MYO16: variants seen among roughly 807,000 people sequenced by gnomAD.
The protein encoded by MYO16 is unconventional myosin-XVI.
A neutral mutation model predicts 205.3 loss-of-function variants in MYO16; 94 were observed. The ratio of observed to expected loss-of-function variants is 0.46; its 90% CI spans 0.39 to 0.54. MYO16 has a LOEUF of 0.54. Among genes scored for constraint, MYO16 ranks in the 20% least tolerant of loss-of-function variants. MYO16 has a pLI of 0.00. For synonymous variants in MYO16, 988 were observed against 954.0 expected (o/e 1.04, Z -0.66); for missense variants, 2,315 against 2,387.5 (o/e 0.97, Z 0.63).
At chr13:108,547,223 G>T in the MYO16 span, among the ~76,000 whole-genome samples, 1 of 148,756 alleles carries the variant, frequency 6.7e-6, no homozygotes, top group East Asian at 2.0e-4. Flanking sequence ...AGTGAGCTGA[G>T]ATCGTGCCAC....
At chr13:108,773,530 G>A (rs1458604629) in intron 4 of MYO16, among the ~76,000 whole-genome samples, 1 of 151,982 alleles carries the variant, frequency 6.6e-6, no homozygotes, top group African/African-American at 2.4e-5. Context: ...ATCCTCACGT[G>A]GCTGCCTTCC....
intron 32 of MYO16, among the ~76,000 whole-genome samples, chr13:109,144,470 G>A (rs1307507218): frequency 5.3e-5 from 8 of 152,206 alleles, no homozygotes. Context: ...GCTCAGCACT[G>A]GGGCTGGTTA....
chr13:108,886,881 A>G (rs983561225), intron 13 of MYO16, among the ~76,000 whole-genome samples: 4 of 152,114 alleles, frequency 2.6e-5, no homozygotes, highest in African/African-American at 9.7e-5. Flanking sequence ...TCTGGTTACT[A>G]GGACTTACTG....
chr13:108,830,918 G>A (rs1876583343), intron 9 of MYO16, among the ~76,000 whole-genome samples: 1 of 152,070 alleles, frequency 6.6e-6, no homozygotes, highest in South Asian at 2.1e-4. Flanking sequence ...TATTTTAAGT[G>A]CCAAAATAAC....
intron 2 of MYO16, among the ~76,000 whole-genome samples, chr13:108,676,792 G>T (rs1012748637): frequency 6.6e-6 from 1 of 152,184 alleles, no homozygotes; most frequent in African/African-American, 2.4e-5. Context: ...CCCAGAATGG[G>T]AAATGTACTT....
intron 28 of MYO16, among the ~76,000 whole-genome samples, chr13:109,114,796 T>C (rs1169533024): frequency 6.6e-6 from 1 of 152,214 alleles, no homozygotes; most frequent in African/African-American, 2.4e-5. Context: ...TTACTTTACC[T>C]GCATGGGAAA....
chr13:108,990,123 T>C, intron 20 of MYO16, among the ~76,000 whole-genome samples: 1 of 149,160 alleles, frequency 6.7e-6, no homozygotes, highest in East Asian at 2.0e-4. Context: ...TTAAGAAAAA[T>C]GATGCAGCTC....
intron 11 of MYO16, among the ~76,000 whole-genome samples, chr13:108,858,817 C>G (rs1001982447): frequency 2.6e-5 from 4 of 152,090 alleles, no homozygotes; most frequent in South Asian, 2.1e-4. Flanking sequence ...CTCATAAAGC[C>G]GCAACGCTTT....
At chr13:109,114,695 G>A (rs1594097821) in intron 28 of MYO16, among the ~76,000 whole-genome samples, 1 of 152,162 alleles carries the variant, frequency 6.6e-6, no homozygotes, top group African/African-American at 2.4e-5. Context: ...AATTTTCTAT[G>A]TCTCCATAAG....
intron 21 of MYO16, among the ~76,000 whole-genome samples, chr13:109,001,909 C>T (rs942525612): frequency 5.1e-5 from 4 of 78,730 alleles, no homozygotes; most frequent in Non-Finnish European, 1.0e-4. Context: ...TAAAATCTAA[C>T]ACTATTCCTT....
intron 7 of MYO16, among the ~76,000 whole-genome samples, chr13:108,811,814 G>A (rs922621959): frequency 6.6e-6 from 1 of 152,104 alleles, no homozygotes; most frequent in South Asian, 2.1e-4. Context: ...TAACCCATCA[G>A]CCTCTAACAG....
intron 22 of MYO16, among the ~76,000 whole-genome samples, chr13:109,016,147 A>G (rs1192373437): frequency 6.6e-6 from 1 of 152,078 alleles, no homozygotes; most frequent in Non-Finnish European, 1.5e-5. Context: ...TGTCCCAGAG[A>G]TTCTGGTATA....
intron 19 of MYO16, among the ~76,000 whole-genome samples, chr13:108,963,803 C>T (rs958279565): frequency 6.6e-6 from 1 of 152,230 alleles, no homozygotes; most frequent in African/African-American, 2.4e-5. Context: ...ACACCACCCT[C>T]ACTTGCTACC....
rs1218645762 is a variant in MYO16 at position 109,052,448 on chromosome 13, A to C, written c.3021A>C (p.Glu1007Asp). 2 of 1,610,660 alleles carry C rather than the reference A, an allele frequency of 1.2e-6. No individual in the cohort carries two copies. Among genetic ancestry groups the C allele is most frequent in the Non-Finnish European group, 1.7e-6 (2 of 1,177,700 alleles). ...KKMTASSIIGENKNYLELSKL... is the reference protein window; with the variant it reads ...KKMTASSIIGDNKNYLELSKL... Reference sequence around the variant, plus strand: ...TGACAGCTTCTTCAATTATTGGAGAAAACAAGAATTATCTAGAACTTAGTA... The same window carrying C: ...TGACAGCTTCTTCAATTATTGGAGACAACAAGAATTATCTAGAACTTAGTA... The change falls in exon 25 of 35, where the codon GAA (glutamate) becomes GAC (aspartate). Residue 1007 changes from glutamate to aspartate, a missense_variant. Transcript: ENST00000457511.
At chr13:108,596,124 T>G (rs1327953508), upstream of MYO16, 1 of 150,820 alleles carries the variant, frequency 6.6e-6, no homozygotes, top group African/African-American at 2.4e-5. Flanking sequence ...GGGGGAGGGA[T>G]GTGTCAGACT....
At chr13:108,991,444 A>G (rs959689097) in intron 20 of MYO16, among the ~76,000 whole-genome samples, 2 of 152,258 alleles carry the variant, frequency 1.3e-5, no homozygotes, top group Admixed American at 6.5e-5. Flanking sequence ...TAAAAGAATT[A>G]CTTCTGGAAG....
At chr13:108,587,897 A>G in the MYO16 span, among the ~76,000 whole-genome samples, 1 of 145,918 alleles carries the variant, frequency 6.9e-6, no homozygotes, top group Admixed American at 6.7e-5. Flanking sequence ...CTCAGAAAAG[A>G]CAAATATATC....
intron 16 of MYO16, among the ~76,000 whole-genome samples, chr13:108,914,318 T>G (rs891449691): frequency 1.3e-5 from 2 of 151,884 alleles, no homozygotes; most frequent in African/African-American, 4.8e-5. Flanking sequence ...TGTCTGATGT[T>G]TTTCAAAATA....
At chr13:109,123,433 C>G (rs938365993) in intron 29 of MYO16, among the ~76,000 whole-genome samples, 2 of 152,116 alleles carry the variant, frequency 1.3e-5, no homozygotes, top group Non-Finnish European at 2.9e-5. Flanking sequence ...CTTCCGAAAG[C>G]CAATGTCTCC....
Sources: gnomAD v4.1 joint callset for allele counts (sites outside exome capture counted in the v4.1 genomes callset) on GRCh38, gnomAD v4.1.1 for gene constraint, MANE v1.5 for transcripts, NCBI Gene and HGNC (gene_info 2026-07-23, HGNC 2026-07-21) for gene names.